The following CNTN6 variants were observed in gnomAD, a reference collection of about 807,000 sequenced individuals.
CNTN6 encodes contactin-6.
A neutral mutation model predicts 122.8 loss-of-function variants in CNTN6; 137 were observed. The observed-to-expected ratio is 1.12, with a 90% CI of 0.97 to 1.29. CNTN6 has a LOEUF of 1.29. Among genes scored for constraint, CNTN6 ranks in the 50% most tolerant of loss-of-function variants. CNTN6 has a pLI of 0.00. For missense variants in CNTN6, 1,634 were observed against 1,223.4 expected (o/e 1.34, Z -5.01); for synonymous variants, 570 against 426.0 (o/e 1.34, Z -4.16).
chr3:1,264,129 T>C (rs969665894), intron 4 of CNTN6, among the ~76,000 whole-genome samples: 1 of 152,060 alleles, frequency 6.6e-6, no homozygotes, highest in African/African-American at 2.4e-5. Context: ...TTAAGTAATT[T>C]AGTAAACTAT....
Position 1,403,315 on chromosome 3 carries a change from C to G in CNTN6, c.2987-3C>G. 6.3e-7 allele frequency: 1 copy of G among 1,582,928 alleles called. No individual in the cohort carries two copies. The highest frequency in any genetic ancestry group is 1.3e-5 in the African/African-American group (1 of 74,172). On this transcript the variant is annotated splice_polypyrimidine_tract_variant and splice_region_variant and intron_variant, in intron 22 of 22. Coordinates refer to ENST00000446702, the MANE Select transcript of CNTN6 (RefSeq NM_001289080.2). ...ATTTTTGTCTTATTTTTATATTTTG[C>G]AGGTTTGAGTTCCAGAGGAATTCAA...
intron 1 of CNTN6, among the ~76,000 whole-genome samples, chr3:1,139,168 C>T (rs1465058783): frequency 6.6e-6 from 1 of 152,132 alleles, no homozygotes; most frequent in African/African-American, 2.4e-5. Context: ...TCTAATAGTA[C>T]AGTTTAGTAA....
At chr3:1,116,698 C>CTTT (rs10594022) in intron 1 of CNTN6, among the ~76,000 whole-genome samples, 3 of 71,734 alleles carry the variant, frequency 4.2e-5, no homozygotes, top group Non-Finnish European at 5.4e-5. Context: ...GTCATCAAAT[C>CTTT]TTTTTTTTTT....
At chr3:1,226,469 T>A (rs1200858337) in intron 3 of CNTN6, among the ~76,000 whole-genome samples, 1 of 152,150 alleles carries the variant, frequency 6.6e-6, no homozygotes, top group Non-Finnish European at 1.5e-5. Flanking sequence ...TCTTCTTCTC[T>A]GAAGCAGGTC....
At chr3:1,113,460 G>T (rs901090642) in intron 1 of CNTN6, among the ~76,000 whole-genome samples, 4 of 152,028 alleles carry the variant, frequency 2.6e-5, no homozygotes, top group Non-Finnish European at 4.4e-5. Context: ...TGTGAGACTG[G>T]GAGTAATTAA....
chr3:1,148,935 C>T (rs1003182668), intron 2 of CNTN6, among the ~76,000 whole-genome samples: 10 of 152,046 alleles, frequency 6.6e-5, no homozygotes, highest in Non-Finnish European at 1.3e-4. Context: ...CTCAGGGTTC[C>T]AAGAAAACAA....
intron 8 of CNTN6, among the ~76,000 whole-genome samples, chr3:1,322,394 C>A (rs1190271801): frequency 6.6e-6 from 1 of 151,590 alleles, no homozygotes; most frequent in Non-Finnish European, 1.5e-5. Context: ...TATCTAAAAG[C>A]TGTCTTTGTG....
intron 10 of CNTN6, 144 bp from the exon 11 acceptor site, chr3:1,329,641 G>T: frequency 1.7e-6 from 1 of 571,654 alleles, no homozygotes; most frequent in Non-Finnish European, 3.0e-6. Flanking sequence ...GTCAGTATTT[G>T]GTCCAAGAAC....
intron 1 of CNTN6, among the ~76,000 whole-genome samples, chr3:1,130,208 A>G (rs553095795): frequency 6.6e-6 from 1 of 152,190 alleles, no homozygotes; most frequent in South Asian, 2.1e-4. Context: ...CCAATTTCTA[A>G]CCCTATATCT....
At chr3:1,364,223 C>A (rs1200175961) in intron 12 of CNTN6, among the ~76,000 whole-genome samples, 2 of 151,866 alleles carry the variant, frequency 1.3e-5, no homozygotes, top group African/African-American at 4.8e-5. Flanking sequence ...GTATTTATTT[C>A]TAGACATTGC....
intron 2 of CNTN6, among the ~76,000 whole-genome samples, chr3:1,218,536 G>A (rs2094160163): frequency 1.3e-5 from 2 of 152,120 alleles, no homozygotes; most frequent in South Asian, 4.1e-4. Flanking sequence ...ACTGGGAGTG[G>A]ACATCAGGAC....
intron 7 of CNTN6, among the ~76,000 whole-genome samples, chr3:1,317,418 A>G (rs537122088): frequency 6.6e-6 from 1 of 151,926 alleles, no homozygotes; most frequent in South Asian, 2.1e-4. Flanking sequence ...AAAATGACTC[A>G]AAATGGGCTT....
intron 1 of CNTN6, among the ~76,000 whole-genome samples, chr3:1,132,220 C>G (rs2092354790): frequency 6.6e-6 from 1 of 151,986 alleles, no homozygotes; most frequent in Non-Finnish European, 1.5e-5. Flanking sequence ...ATGATCAATA[C>G]TTTTTCAAAC....
chr3:1,252,127 T>G (rs1400316090), intron 4 of CNTN6, among the ~76,000 whole-genome samples: 1 of 152,230 alleles, frequency 6.6e-6, no homozygotes, highest in Non-Finnish European at 1.5e-5. Context: ...TTTTGGCCTT[T>G]TATTTTTATC....
intron 1 of CNTN6, among the ~76,000 whole-genome samples, chr3:1,122,402 G>GAAGGGAGGGA (rs1559353527): frequency 6.6e-6 from 1 of 151,388 alleles, no homozygotes; most frequent in African/African-American, 2.4e-5. Context: ...AGGAAAGAAG[G>GAAGGGAGGGA]GGTTCTCAAC....
intron 20 of CNTN6, among the ~76,000 whole-genome samples, chr3:1,398,311 C>T (rs1427877184): frequency 6.6e-6 from 1 of 152,032 alleles, no homozygotes; most frequent in Non-Finnish European, 1.5e-5. Flanking sequence ...TTGTCAATAT[C>T]AGACATAAAG....
rs147266610 is a variant in CNTN6, at chr3:1,282,704, G to A, written c.454+4196G>A. On this transcript the variant is annotated intron_variant, in intron 5 of 22. Coordinates refer to ENST00000446702, the MANE Select transcript of CNTN6 (RefSeq NM_001289080.2). ...AACTTCACTAAGATTCCTGTTAAAC[G>A]TCTCCTTCATTCCTCCTAAACGCTC... Among the ~76,000 whole-genome samples the A allele has an allele frequency of 6.6e-5, 10 of 152,244 alleles. No homozygotes were observed. The South Asian group carries it at 8.3e-4, about 13-fold the overall frequency.
chr3:1,276,963 G>T (rs190943375), intron 4 of CNTN6, among the ~76,000 whole-genome samples: 125 of 152,280 alleles, frequency 8.2e-4, no homozygotes, highest in Middle Eastern at 3.4e-3. Context: ...ATTTAGGTGG[G>T]TGTGGTGGTA....
At chr3:1,232,644 C>T (rs1013410044) in intron 4 of CNTN6, among the ~76,000 whole-genome samples, 4 of 152,178 alleles carry the variant, frequency 2.6e-5, no homozygotes, top group Admixed American at 2.0e-4. Flanking sequence ...CCTAAAATCA[C>T]ACACCGTATG....
Sources: allele counts gnomAD v4.1 joint callset (sites outside exome capture counted in the v4.1 genomes callset), GRCh38; gene constraint gnomAD v4.1.1; transcripts MANE v1.5; gene names NCBI Gene and HGNC (gene_info 2026-07-23, HGNC 2026-07-21).